Variants in EMC2 observed in about 807,000 individuals in gnomAD.
The protein encoded by EMC2 is ER membrane protein complex subunit 2.
In EMC2, 37 loss-of-function variants were observed where a neutral mutation model predicts 51.6. The ratio of observed to expected loss-of-function variants is 0.72; its 90% CI spans 0.55 to 0.94. EMC2 has a LOEUF of 0.94. EMC2 is among the 40% of genes least tolerant of loss of function. The pLI, the probability that EMC2 is intolerant of heterozygous loss-of-function variation, is 0.00. For missense variants in EMC2, 359 were observed against 350.9 expected, an observed-to-expected ratio of 1.02 and a Z score of -0.18; for synonymous variants, 131 against 112.4, an observed-to-expected ratio of 1.17 and a Z score of -1.04.
rs73699830 is a variant in EMC2 at position 108,480,237 on chromosome 8, A to T, written c.807+1127A>T. On this transcript the variant is annotated intron_variant, in intron 10 of 10. Coordinates refer to ENST00000220853, the MANE Select transcript of EMC2 (RefSeq NM_014673.5). The stretch of plus-strand genomic sequence containing the variant: ...CTATGTCCTTTATTCATTTTCTTTC[A>T]AATTATTTTGTCATTTTCTGTATTT... Among the ~76,000 whole-genome samples the T allele has an allele frequency of 5.3e-3, 810 of 151,664 alleles. 5 individuals carry two copies. Among genetic ancestry groups the T allele is most frequent in the African/African-American group, 0.018 (755 of 41,350 alleles).
At chr8:108,450,323 A>G (rs1385573672) in intron 2 of EMC2, 105 bp from the exon 3 acceptor site, 6 of 729,692 alleles carry the variant, frequency 8.2e-6, no homozygotes, top group East Asian at 2.5e-5. Flanking sequence ...GTTTTCAGTT[A>G]TAAGTAATGT....
At chr8:108,456,338 A>C (rs895129947) in intron 5 of EMC2, among the ~76,000 whole-genome samples, 8 of 145,942 alleles carry the variant, frequency 5.5e-5, no homozygotes, top group Admixed American at 4.1e-4. Context: ...GTGTCAAAAA[A>C]AAAAAAAAAG....
intron 10 of EMC2, among the ~76,000 whole-genome samples, chr8:108,483,190 T>C (rs1260340478): frequency 6.6e-6 from 1 of 152,186 alleles, no homozygotes; most frequent in African/African-American, 2.4e-5. Context: ...TAAGTTATTA[T>C]GTTTTTCCTT....
intron 5 of EMC2, among the ~76,000 whole-genome samples, chr8:108,468,474 C>T (rs1044990420): frequency 4.6e-5 from 7 of 151,480 alleles, no homozygotes; most frequent in African/African-American, 1.7e-4. Context: ...TTTTTTTACT[C>T]TCAGGATATG....
At chr8:108,482,754 T>C (rs1448141006) in intron 10 of EMC2, among the ~76,000 whole-genome samples, 1 of 151,930 alleles carries the variant, frequency 6.6e-6, no homozygotes, top group Admixed American at 6.6e-5. Context: ...CGGCTAACTT[T>C]TAAATTTTTT....
intron 1 of EMC2, among the ~76,000 whole-genome samples, chr8:108,447,082 T>A (rs935097956): frequency 2.6e-5 from 4 of 152,212 alleles, no homozygotes; most frequent in South Asian, 2.1e-4. Context: ...AATTAACTCA[T>A]ACTCAATTAA....
intron 4 of EMC2, among the ~76,000 whole-genome samples, chr8:108,455,157 ATTTC>A (rs1819120413): frequency 6.6e-6 from 1 of 151,824 alleles, no homozygotes; most frequent in Admixed American, 6.6e-5. Context: ...CATTTTCTAT[ATTTC>A]TTTCTTTTTT....
At chr8:108,478,390 T>C (rs951806159) in intron 9 of EMC2, among the ~76,000 whole-genome samples, 4 of 152,044 alleles carry the variant, frequency 2.6e-5, no homozygotes, top group Non-Finnish European at 4.4e-5. Flanking sequence ...CAGGGACTAA[T>C]TAGTTCTCTG....
rs1335782535 is a variant in EMC2, at chr8:108,449,862, CAAG to C, written c.83_85del (p.Arg28del). ...ATGAGAAAATGGAGAGAAGAAAACTCAAGAAATAGTGAGCAAATTGTGGAAGTT... is the reference window on the plus strand; with the variant it reads ...ATGAGAAAATGGAGAGAAGAAAACTCAAATAGTGAGCAAATTGTGGAAGTT... On this transcript the variant is annotated inframe_deletion, in exon 2 of 11. Transcript: ENST00000220853. 2 of 1,591,880 alleles carry C rather than the reference CAAG, an allele frequency of 1.3e-6. No individual in the cohort carries two copies. Among genetic ancestry groups the C allele is most frequent in the Non-Finnish European group, 1.7e-6 (2 of 1,161,704 alleles).
chr8:108,468,993 C>T (rs1022427367), intron 5 of EMC2, among the ~76,000 whole-genome samples: 9 of 151,862 alleles, frequency 5.9e-5, no homozygotes, highest in African/African-American at 2.2e-4. Flanking sequence ...TATGTGGGAC[C>T]GTCTTTGCTT....
intron 5 of EMC2, 97 bp from the exon 6 acceptor site, chr8:108,469,729 C>A: frequency 1.0e-6 from 1 of 967,478 alleles, no homozygotes; most frequent in Admixed American, 2.0e-5. Context: ...TGGAATTTCT[C>A]TGGCATTGAG....
At chr8:108,462,361 A>G (rs571287594) in intron 5 of EMC2, among the ~76,000 whole-genome samples, 3 of 152,124 alleles carry the variant, frequency 2.0e-5, no homozygotes, top group Non-Finnish European at 4.4e-5. Flanking sequence ...TTGCGTGGAT[A>G]TATAGTCCCT....
intron 10 of EMC2, 60 bp downstream of exon 10, chr8:108,479,170 A>C (rs2252767): frequency 1.1e-6 from 1 of 919,834 alleles, no homozygotes; most frequent in Non-Finnish European, 1.6e-6. Flanking sequence ...TAGTTTTGTT[A>C]CTACAAACTA....
At chr8:108,481,932 A>G (rs745682750) in intron 10 of EMC2, among the ~76,000 whole-genome samples, 1 of 152,106 alleles carries the variant, frequency 6.6e-6, no homozygotes, top group Non-Finnish European at 1.5e-5. Context: ...AGTTATTGCT[A>G]TGCATTTGGA....
rs1259415734 is a variant in EMC2, at chr8:108,488,360, A to C, written c.*1762A>C. On this transcript the variant is annotated 3_prime_UTR_variant, in exon 11 of 11. Coordinates refer to ENST00000220853, the MANE Select transcript of EMC2 (RefSeq NM_014673.5). ...TTTTTAGTAGAGATGGGGTTTCACC[A>C]TGTTGGCCAGGCTGGTCTGAAACTC... Among the ~76,000 whole-genome samples the C allele has an allele frequency of 6.6e-6, 1 of 151,886 alleles. No homozygotes were observed. The highest frequency in any genetic ancestry group is 1.5e-5 in the Non-Finnish European group (1 of 67,958).
chr8:108,482,366 C>G (rs992128203), intron 10 of EMC2, among the ~76,000 whole-genome samples: 28 of 151,976 alleles, frequency 1.8e-4, no homozygotes, highest in Non-Finnish European at 2.2e-4. Flanking sequence ...ATATGTATAA[C>G]TTCTTACTTT....
chr8:108,467,435 A>G (rs973001061), intron 5 of EMC2, among the ~76,000 whole-genome samples: 7 of 148,910 alleles, frequency 4.7e-5, no homozygotes, highest in Admixed American at 1.3e-4. Context: ...TGCAACCTCC[A>G]CCTCCCGGGT....
intron 3 of EMC2, among the ~76,000 whole-genome samples, chr8:108,452,445 T>C (rs1819051035): frequency 6.6e-6 from 1 of 152,098 alleles, no homozygotes; most frequent in South Asian, 2.1e-4. Context: ...CAGGCGCCTG[T>C]AGTCCGAGCT....
intron 10 of EMC2, among the ~76,000 whole-genome samples, chr8:108,479,957 T>G (rs910275687): frequency 2.6e-5 from 4 of 152,066 alleles, no homozygotes; most frequent in Admixed American, 6.6e-5. Flanking sequence ...CGTCTTGACT[T>G]ACTTTTTATC....
Sources: allele counts gnomAD v4.1 joint callset (sites outside exome capture counted in the v4.1 genomes callset), GRCh38; gene constraint gnomAD v4.1.1; transcripts MANE v1.5; gene names NCBI Gene and HGNC (gene_info 2026-07-23, HGNC 2026-07-21).